The following SCRG1 variants were observed in gnomAD, a reference collection of about 807,000 sequenced individuals.
SCRG1 encodes scrapie-responsive protein 1.
In SCRG1, 3 loss-of-function variants were observed where a neutral mutation model predicts 7.7. That is an observed-to-expected ratio of 0.39 (90% CI 0.18 to 1.01). The LOEUF (loss-of-function observed/expected upper bound fraction) is 1.01. SCRG1 is among the 50% of genes least tolerant of loss of function. The pLI is 0.36. For synonymous variants in SCRG1, 46 were observed against 41.2 expected (o/e 1.12, Z -0.44); for missense variants, 110 against 117.2 (o/e 0.94, Z 0.28).
the SCRG1 span, among the ~76,000 whole-genome samples, chr4:173,473,786 T>A: frequency 3.3e-5 from 5 of 152,160 alleles, no homozygotes; most frequent in Non-Finnish European, 5.9e-5. Flanking sequence ...CTAAAGAGCT[T>A]GAATACATCC....
the SCRG1 span, among the ~76,000 whole-genome samples, chr4:173,489,703 T>G: frequency 2.0e-5 from 3 of 152,138 alleles, no homozygotes; most frequent in Non-Finnish European, 4.4e-5. Flanking sequence ...TAATTTTAAA[T>G]GTCAAACTAG....
chr4:173,391,033 T>C (rs1166523573), intron 2 of SCRG1, 140 bp downstream of exon 2: 5 of 816,250 alleles, frequency 6.1e-6, no homozygotes, highest in Admixed American at 4.4e-5. Flanking sequence ...ACAATAGTGA[T>C]TATTCTAGAA....
At chr4:173,478,940 A>G in the SCRG1 span, among the ~76,000 whole-genome samples, 1 of 152,224 alleles carries the variant, frequency 6.6e-6, no homozygotes, top group Non-Finnish European at 1.5e-5. Flanking sequence ...CCTGCTTAAA[A>G]AAGGAAAGAG....
the SCRG1 span, among the ~76,000 whole-genome samples, chr4:173,510,091 T>C: frequency 6.6e-6 from 1 of 152,174 alleles, no homozygotes; most frequent in African/African-American, 2.4e-5. The surrounding 1 kb of genome is among the most constrained non-coding windows in gnomAD (Gnocchi z 5.7). Context: ...TCATGCCCTA[T>C]AATTAAACAG....
the SCRG1 span, among the ~76,000 whole-genome samples, chr4:173,505,037 C>T: frequency 3.9e-5 from 6 of 152,202 alleles, no homozygotes; most frequent in Admixed American, 6.5e-5. This position sits in a 1 kb window ranked among gnomAD's most constrained non-coding sequence, Gnocchi z 4.4. Flanking sequence ...ATAGTCTCAC[C>T]TTCTGTCACT....
At chr4:173,452,774 A>AT in the SCRG1 span, among the ~76,000 whole-genome samples, 284 of 152,204 alleles carry the variant, frequency 1.9e-3, no homozygotes, top group African/African-American at 6.5e-3. Flanking sequence ...TGCTATGATG[A>AT]TTTTGTCTTA....
chr4:173,485,386 C>A, the SCRG1 span, among the ~76,000 whole-genome samples: 20 of 149,690 alleles, frequency 1.3e-4, no homozygotes, highest in Non-Finnish European at 2.8e-4. Context: ...GCCCAGCTGA[C>A]AGCCAACAAC....
the SCRG1 span, among the ~76,000 whole-genome samples, chr4:173,463,829 A>T: frequency 2.0e-5 from 3 of 152,102 alleles, no homozygotes; most frequent in African/African-American, 7.2e-5. Context: ...GAAGGAGCTG[A>T]GTGGGTGGGG....
the SCRG1 span, among the ~76,000 whole-genome samples, chr4:173,449,290 A>G: frequency 6.6e-6 from 1 of 152,160 alleles, no homozygotes; most frequent in East Asian, 1.9e-4. Flanking sequence ...CTTCAAATTC[A>G]AAGGACCCTG....
chr4:173,488,918 A>T, the SCRG1 span, among the ~76,000 whole-genome samples: 1 of 152,224 alleles, frequency 6.6e-6, no homozygotes, highest in Non-Finnish European at 1.5e-5. Context: ...AAAACAATGC[A>T]TGAAAAGATG....
At chr4:173,443,943 TTGTGTGTGTGTGTGTGTG>T in the SCRG1 span, among the ~76,000 whole-genome samples, 5 of 138,796 alleles carry the variant, frequency 3.6e-5, no homozygotes, top group East Asian at 4.2e-4. Flanking sequence ...AGAGCTTGTT[TTGTGTGTGTGTGTGTGTG>T]TGTGTGTGTG....
chr4:173,454,416 A>AG, the SCRG1 span, among the ~76,000 whole-genome samples: 1 of 152,160 alleles, frequency 6.6e-6, no homozygotes, highest in African/African-American at 2.4e-5. Flanking sequence ...GACGAAGGGA[A>AG]GGTATTGCAG....
chr4:173,445,296 T>A, the SCRG1 span, among the ~76,000 whole-genome samples: 1 of 152,146 alleles, frequency 6.6e-6, no homozygotes, highest in Non-Finnish European at 1.5e-5. Context: ...AAAATACTCA[T>A]GCAAGGCCGG....
the SCRG1 span, among the ~76,000 whole-genome samples, chr4:173,439,999 C>T: frequency 6.6e-6 from 1 of 152,192 alleles, no homozygotes; most frequent in Non-Finnish European, 1.5e-5. Flanking sequence ...TCAGAGAAGT[C>T]TTTCTGACAT....
Position 173,391,269 on chromosome 4 carries a change from G to A in SCRG1, c.146C>T (p.Thr49Ile). The change falls in exon 2 of 3, where the codon ACA (threonine) becomes ATA (isoleucine). Residue 49 changes from threonine (T) to isoleucine (I), a missense_variant. Thr to Ile is a moderately conservative substitution (Grantham distance 89). Transcript: ENST00000296506. ...HNLPEGVADL[T>I]QIDVNVQDHF... ...ATCCTGGACATTGACATCAATCTGT[G>A]TCAGGTCAGCTACTCCTTCCGGAAG... is the stretch of plus-strand genomic sequence containing the variant. 4 of 1,614,116 alleles carry A rather than the reference G, an allele frequency of 2.5e-6. No homozygotes were observed. Among genetic ancestry groups the A allele is most frequent in the Non-Finnish European group, 3.4e-6 (4 of 1,180,004 alleles).
chr4:173,411,150 T>G (rs1397976115), upstream of SCRG1, among the ~76,000 whole-genome samples: 2 of 152,238 alleles, frequency 1.3e-5, no homozygotes, highest in Non-Finnish European at 2.9e-5. Context: ...CCCGTTTTAT[T>G]GTTTTATGCA....
At chr4:173,484,818 TAA>T in the SCRG1 span, among the ~76,000 whole-genome samples, 1 of 71,614 alleles carries the variant, frequency 1.4e-5, no homozygotes, top group Non-Finnish European at 2.4e-5. Flanking sequence ...ATTATACATA[TAA>T]TATATATTAT....
the SCRG1 span, among the ~76,000 whole-genome samples, chr4:173,432,724 G>T: frequency 1.3e-5 from 2 of 152,084 alleles, no homozygotes; most frequent in South Asian, 4.1e-4. Context: ...GAAAGGGAGA[G>T]AGTAGAGTTT....
At chr4:173,446,399 T>C in the SCRG1 span, among the ~76,000 whole-genome samples, 1 of 150,836 alleles carries the variant, frequency 6.6e-6, no homozygotes, top group African/African-American at 2.4e-5. Context: ...TGTCATGCAC[T>C]CACGGGGGGA....
Sources: allele counts gnomAD v4.1 joint callset (sites outside exome capture counted in the v4.1 genomes callset), GRCh38; gene constraint gnomAD v4.1.1; non-coding constraint Gnocchi (gnomAD v3.1); transcripts MANE v1.5; gene names NCBI Gene and HGNC (gene_info 2026-07-23, HGNC 2026-07-21).